Variants in PLCE1 observed in about 807,000 individuals in gnomAD.
PLCE1 encodes the protein 1-phosphatidylinositol 4,5-bisphosphate phosphodiesterase epsilon-1.
PLCE1 carries 119 observed loss-of-function variants against 242.8 expected under a neutral mutation model. The ratio of observed to expected loss-of-function variants is 0.49; its 90% CI spans 0.42 to 0.57. The LOEUF is 0.57. PLCE1 is among the 20% of genes least tolerant of loss of function. PLCE1 has a pLI of 0.00. For synonymous variants in PLCE1, 945 were observed against 1,017.4 expected, an observed-to-expected ratio of 0.93 and a Z score of 1.35; for missense variants, 2,441 against 2,788.8, an observed-to-expected ratio of 0.88 and a Z score of 2.81.
rs41291122 is a variant in PLCE1 at position 94,030,993 on chromosome 10, G to A, written c.-54G>A. On this transcript the variant is annotated 5_prime_UTR_variant, in exon 2 of 33. It removes an upstream start codon present in the reference 5' UTR. Transcript: ENST00000371380. ...AGTCATTTTATTAAAACCTTGACATGATCACCAGGGAGGAAAAATAGAGCA... is the reference window on the plus strand; with the variant it reads ...AGTCATTTTATTAAAACCTTGACATAATCACCAGGGAGGAAAAATAGAGCA... 8 of 1,587,232 alleles carry A rather than the reference G, an allele frequency of 5.0e-6. No individual in the cohort carries two copies. In the African/African-American group the frequency reaches 1.1e-4, roughly 21 times the overall value.
intron 4 of PLCE1, among the ~76,000 whole-genome samples, chr10:94,211,180 T>C (rs2049320075): frequency 6.6e-6 from 1 of 152,210 alleles, no homozygotes; most frequent in Non-Finnish European, 1.5e-5. Flanking sequence ...GCCCCCATCT[T>C]TTAGGCCATC....
At chr10:94,313,140 T>C in intron 27 of PLCE1, 114 bp from the exon 28 acceptor site, 1 of 1,251,178 alleles carries the variant, frequency 8.0e-7, no homozygotes, top group Non-Finnish European at 1.2e-6. Context: ...GACTCTCATC[T>C]TTTGCATTTA....
intron 2 of PLCE1, among the ~76,000 whole-genome samples, chr10:94,074,759 T>C (rs1171087794): frequency 6.6e-6 from 1 of 152,234 alleles, no homozygotes; most frequent in African/African-American, 2.4e-5. Context: ...ATATTTCCTT[T>C]TAAAAGGTGT....
At chr10:94,026,238 T>A (rs1294289937) in intron 1 of PLCE1, among the ~76,000 whole-genome samples, 1 of 152,186 alleles carries the variant, frequency 6.6e-6, no homozygotes, top group Non-Finnish European at 1.5e-5. Flanking sequence ...TGGCTAGAAT[T>A]TCCAGCAATT....
rs1197374494 is a variant in PLCE1, at chr10:94,269,012, G to A, written c.4365G>A (p.Thr1455=). ...DGMPIIYHGH[T]LTTKIPFKEV... is the part of the protein sequence containing the mutation. ...TGCCCATCATTTATCATGGACATAC[G>A]CTGACAACCAAGATCCCCTTCAAGG... Residue 1455 remains threonine (T), a synonymous_variant, in exon 17 of 33, where the codon ACG becomes ACA. Coordinates refer to ENST00000371380, the MANE Select transcript of PLCE1 (RefSeq NM_016341.4). 1.9e-6 allele frequency: 3 copies of A among 1,599,992 alleles called. No individual in the cohort carries two copies. Among genetic ancestry groups the A allele is most frequent in the African/African-American group, 1.3e-5 (1 of 74,356 alleles).
chr10:94,168,395 T>C (rs1280909598), intron 3 of PLCE1, among the ~76,000 whole-genome samples: 2 of 152,208 alleles, frequency 1.3e-5, no homozygotes, highest in Non-Finnish European at 2.9e-5. Context: ...CAATATGAAA[T>C]CCCTGGGTAT....
chr10:94,227,077 A>T (rs914528014), intron 4 of PLCE1: 1 of 463,900 alleles, frequency 2.2e-6, no homozygotes, highest in African/African-American at 2.0e-5. Flanking sequence ...GGCTTTCACC[A>T]CGCTGGCCAG....
chr10:94,049,243 C>T (rs973298950), intron 2 of PLCE1, among the ~76,000 whole-genome samples: 2 of 152,054 alleles, frequency 1.3e-5, no homozygotes, highest in Non-Finnish European at 2.9e-5. Flanking sequence ...TTCTCTCTAC[C>T]TAAAGTCTAA....
chr10:94,305,325 C>T (rs1373092722), intron 25 of PLCE1, among the ~76,000 whole-genome samples: 1 of 152,190 alleles, frequency 6.6e-6, no homozygotes, highest in Non-Finnish European at 1.5e-5. Flanking sequence ...CTCCCAGCTA[C>T]TTGGGAGTCT....
chr10:94,105,702 C>T (rs1029342601), intron 2 of PLCE1: 1 of 152,194 alleles, frequency 6.6e-6, no homozygotes, highest in African/African-American at 2.4e-5. Context: ...ATGAAAGGCT[C>T]CTCATTTCCT....
chr10:94,004,784 A>G (rs1410325306), intron 1 of PLCE1, among the ~76,000 whole-genome samples: 2 of 152,184 alleles, frequency 1.3e-5, no homozygotes, highest in African/African-American at 2.4e-5. Flanking sequence ...GGTGGGGACA[A>G]TGGTGAGCAA....
chr10:94,298,786 T>A lies in PLCE1; in HGVS notation c.5458+117T>A. 1 of 1,006,678 alleles carries A rather than the reference T, an allele frequency of 9.9e-7. No individual in the cohort carries two copies. The highest frequency in any genetic ancestry group is 1.6e-6 in the Non-Finnish European group (1 of 638,752). The allele number at this position is 1,006,678 out of a possible 1,614,324, so 62.4% of individuals were successfully genotyped here. On this transcript the variant is annotated intron_variant, in intron 24 of 32. Transcript: ENST00000371380. This position sits in a 1 kb window ranked among gnomAD's most constrained non-coding sequence, Gnocchi z 5.2. ...GACTGGGGCACACCATATGTGAGAG[T>A]AAAAATATGATGATGGAAAACAGAA...
chr10:94,174,500 T>G (rs889876885), intron 4 of PLCE1, among the ~76,000 whole-genome samples: 1 of 152,156 alleles, frequency 6.6e-6, no homozygotes, highest in Non-Finnish European at 1.5e-5. Context: ...ACAAGGTATT[T>G]ATTAATACAA....
intron 4 of PLCE1, among the ~76,000 whole-genome samples, chr10:94,186,757 T>C (rs1191858033): frequency 6.6e-6 from 1 of 152,202 alleles, no homozygotes; most frequent in East Asian, 1.9e-4. Flanking sequence ...AAAACCAAGA[T>C]ACATAATTGA....
intron 4 of PLCE1, among the ~76,000 whole-genome samples, chr10:94,181,346 G>A (rs1209745848): frequency 1.3e-5 from 2 of 152,096 alleles, no homozygotes; most frequent in Admixed American, 6.5e-5. Context: ...GCCAACATGG[G>A]TGGATCACAA....
chr10:94,282,656 A>G (rs978467663), intron 20 of PLCE1, among the ~76,000 whole-genome samples: 1 of 152,084 alleles, frequency 6.6e-6, no homozygotes, highest in East Asian at 1.9e-4. Context: ...AAATCTATAG[A>G]GCATTTCCTG....
intron 4 of PLCE1, among the ~76,000 whole-genome samples, chr10:94,180,110 C>T (rs2048265650): frequency 6.6e-6 from 1 of 152,128 alleles, no homozygotes; most frequent in Admixed American, 6.5e-5. Flanking sequence ...GTTGTTCTGG[C>T]TTCCAGAGCC....
Position 94,265,509 on chromosome 10 carries a change from G to A in PLCE1, c.4054-138G>A, listed in dbSNP as rs572581624. 86 of 753,472 alleles carry A rather than the reference G, an allele frequency of 1.1e-4. 1 individual carries two copies. Among genetic ancestry groups the A allele is most frequent in the South Asian group, 1.1e-4 (7 of 64,594 alleles). The allele number at this position is 753,472 out of a possible 1,614,324, so 46.7% of individuals were successfully genotyped here. On this transcript the variant is annotated intron_variant, in intron 14 of 32. Transcript: ENST00000371380. Reference sequence around the variant, plus strand: ...ACTAAAAACTACTTCTTACCACTACGTTACTAAATTAGTTCAAATATTTGG... The same window carrying A: ...ACTAAAAACTACTTCTTACCACTACATTACTAAATTAGTTCAAATATTTGG...
intron 4 of PLCE1, among the ~76,000 whole-genome samples, chr10:94,205,106 G>T (rs2049115852): frequency 6.6e-6 from 1 of 152,180 alleles, no homozygotes; most frequent in Non-Finnish European, 1.5e-5. Context: ...CCAAGCTTTT[G>T]ACAAGTATGA....
Sources: gnomAD v4.1 joint callset for allele counts (sites outside exome capture counted in the v4.1 genomes callset) on GRCh38, gnomAD v4.1.1 for gene constraint, Gnocchi (gnomAD v3.1) non-coding constraint, MANE v1.5 for transcripts, NCBI Gene and HGNC (gene_info 2026-07-23, HGNC 2026-07-21) for gene names.